Variants in LRPPRC observed in about 807,000 individuals in gnomAD.
LRPPRC encodes leucine rich pentatricopeptide repeat containing.
A neutral mutation model predicts 180.3 loss-of-function variants in LRPPRC; 120 were observed. The ratio of observed to expected loss-of-function variants is 0.67; its 90% confidence interval spans 0.57 to 0.77. The LOEUF (loss-of-function observed/expected upper bound fraction) is 0.77. Among genes scored for constraint, LRPPRC ranks in the 30% least tolerant of loss-of-function variants. LRPPRC has a pLI of 0.00. For synonymous variants in LRPPRC, 723 were observed against 600.0 expected, an observed-to-expected ratio of 1.21 and a Z score of -3.00; for missense variants, 2,012 against 1,657.2, an observed-to-expected ratio of 1.21 and a Z score of -3.72.
At chr2:43,933,596 T>C (rs1672166362) in intron 25 of LRPPRC, among the ~76,000 whole-genome samples, 1 of 152,150 alleles carries the variant, frequency 6.6e-6, no homozygotes, top group Admixed American at 6.5e-5. Context: ...GCCCTTGACT[T>C]ATCAATTCCA....
intron 34 of LRPPRC, among the ~76,000 whole-genome samples, chr2:43,898,130 T>G (rs1351680931): frequency 6.8e-6 from 1 of 147,462 alleles, no homozygotes; most frequent in Non-Finnish European, 1.5e-5. Flanking sequence ...ACAAGAAAAT[T>G]CCCAGTGAAC....
chr2:43,941,057 T>G (rs1370126429), intron 23 of LRPPRC, among the ~76,000 whole-genome samples: 1 of 152,220 alleles, frequency 6.6e-6, no homozygotes, highest in Admixed American at 6.5e-5. Context: ...AAAAGCAGGT[T>G]AGCTTACCAA....
Position 43,905,736 on chromosome 2 carries a change from T to C in LRPPRC, c.3320A>G (p.Asn1107Ser), listed in dbSNP as rs749756838. ...AACTTGCGTTATGATGAGGCGGCTG[T>C]TGGCAGCATCGTTCAGTGTGAAGCC... ...IKGFTLNDAANSRLIITQVRR... is the reference protein window; with the variant it reads ...IKGFTLNDAASSRLIITQVRR... The change falls in exon 31 of 38, where the codon AAC becomes AGC. Residue 1107 changes from asparagine (N) to serine (S), a missense_variant. Coordinates refer to ENST00000260665, the MANE Select transcript of LRPPRC (RefSeq NM_133259.4). 5.0e-6 allele frequency: 8 copies of C among 1,613,996 alleles called. 1 individual carries two copies. In the South Asian group the frequency reaches 6.6e-5, roughly 13 times the overall value.
intron 1 of LRPPRC, among the ~76,000 whole-genome samples, chr2:43,990,966 C>T (rs1160993883): frequency 6.6e-6 from 1 of 152,014 alleles, no homozygotes; most frequent in Non-Finnish European, 1.5e-5. Flanking sequence ...CTGCCTCAGC[C>T]TCCCAAGTAG....
chr2:43,994,180 G>T (rs1392629318), intron 1 of LRPPRC, among the ~76,000 whole-genome samples: 1 of 152,200 alleles, frequency 6.6e-6, no homozygotes, highest in African/African-American at 2.4e-5. Flanking sequence ...GCCAAGAGAT[G>T]TATATAGTTC....
chr2:43,961,153 T>C (rs1429378222), intron 12 of LRPPRC, among the ~76,000 whole-genome samples: 1 of 152,166 alleles, frequency 6.6e-6, no homozygotes, highest in Non-Finnish European at 1.5e-5. Context: ...AATTATGGCA[T>C]ACCCATACAA....
At chr2:43,901,790 T>A (rs1045743362) in intron 31 of LRPPRC, 8 of 418,734 alleles carry the variant, frequency 1.9e-5, no homozygotes, top group African/African-American at 1.0e-4. Context: ...ATGAGTTCCA[T>A]TTAGGGATAA....
intron 8 of LRPPRC, 108 bp downstream of exon 8, chr2:43,974,506 A>T (rs1269551458): frequency 1.0e-5 from 9 of 876,936 alleles, no homozygotes; most frequent in Non-Finnish European, 1.7e-5. Context: ...TAAGAGTTCT[A>T]TGTTCAACTC....
intron 14 of LRPPRC, among the ~76,000 whole-genome samples, chr2:43,956,038 T>C (rs1673100088): frequency 6.6e-6 from 1 of 151,452 alleles, no homozygotes; most frequent in African/African-American, 2.4e-5. Flanking sequence ...TGAAGTACTA[T>C]TGCTAAAAAT....
chr2:43,982,662 GACA>G (rs1222328843), intron 1 of LRPPRC, among the ~76,000 whole-genome samples: 4 of 152,120 alleles, frequency 2.6e-5, no homozygotes, highest in Admixed American at 1.3e-4. Context: ...CTGAATAATT[GACA>G]ACATCTTGGT....
chr2:43,888,604 G>C lies in LRPPRC; in HGVS notation c.4181C>G (p.Ser1394Cys). The C allele has an allele frequency of 6.3e-7, 1 of 1,584,148 alleles. No individual in the cohort carries two copies. The highest frequency in any genetic ancestry group is 8.7e-7 in the Non-Finnish European group (1 of 1,152,994). The change falls in exon 38 of 38, where the codon TCT (serine) becomes TGT (cysteine). Residue 1394 changes from serine (S) to cysteine (C), a missense_variant. Coordinates refer to ENST00000260665, the MANE Select transcript of LRPPRC (RefSeq NM_133259.4). ...ACAAAGTATCGCCTGGTTATTTCAA[G>C]AAGAGTTTTCCCTCAATTTTCTTAG... ...QQLRKLRENS[S>C]
rs540179259 is a variant in LRPPRC at position 43,912,276 on chromosome 2, C to T, written c.3275+156G>A. Among the ~76,000 whole-genome samples the T allele has an allele frequency of 3.9e-5, 6 of 152,092 alleles. No homozygotes were observed. The South Asian group carries it at 8.3e-4, about 21-fold the overall frequency. Reference sequence around the variant, plus strand: ...TGTTTTTTTTTGAAGGTGAAAAAACCTGATAAAGTTAGTTAACCATTTCAT... The same window carrying T: ...TGTTTTTTTTTGAAGGTGAAAAAACTTGATAAAGTTAGTTAACCATTTCAT... On this transcript the variant is annotated intron_variant, in intron 30 of 37. Transcript: ENST00000260665.
intron 32 of LRPPRC, 100 bp from the exon 33 acceptor site, chr2:43,899,705 CT>C: frequency 2.7e-6 from 2 of 747,888 alleles, no homozygotes; most frequent in African/African-American, 1.8e-5. Flanking sequence ...CATGCTAATA[CT>C]TTAGGAAAAA....
intron 30 of LRPPRC, among the ~76,000 whole-genome samples, chr2:43,908,306 G>T (rs919324297): frequency 6.6e-6 from 1 of 152,080 alleles, no homozygotes; most frequent in African/African-American, 2.4e-5. Context: ...ATTCACTACA[G>T]ATAAATTATT....
At chr2:43,990,842 CTTT>C (rs11443325) in intron 1 of LRPPRC, among the ~76,000 whole-genome samples, 2 of 134,650 alleles carry the variant, frequency 1.5e-5, no homozygotes, top group Non-Finnish European at 3.1e-5. Flanking sequence ...CCATCAGGTT[CTTT>C]TTTTTTTTTT....
In LRPPRC at chr2:43,894,928, T is replaced by C. The variant is rs191631142; in HGVS notation, c.3901-299A>G. Among the ~76,000 whole-genome samples, 18 of 152,258 alleles carry C rather than the reference T, an allele frequency of 1.2e-4. No homozygotes were observed. The East Asian group carries it at 2.1e-3, about 18-fold the overall frequency. On this transcript the variant is annotated intron_variant, in intron 35 of 37. Coordinates refer to ENST00000260665, the MANE Select transcript of LRPPRC (RefSeq NM_133259.4). ...GTCAAGTGGTGACCATACCAAGAAG[T>C]TATGAGATCCCAAGGGTAGAGAGAT...
intron 13 of LRPPRC, among the ~76,000 whole-genome samples, 187 bp downstream of exon 13, chr2:43,960,354 A>C (rs1371871152): frequency 6.6e-6 from 1 of 152,190 alleles, no homozygotes; most frequent in Non-Finnish European, 1.5e-5. Context: ...TATAATATTC[A>C]ATGTCCTTAT....
chr2:43,889,126 C>T (rs562376271), intron 37 of LRPPRC, among the ~76,000 whole-genome samples: 12 of 152,012 alleles, frequency 7.9e-5, no homozygotes, highest in East Asian at 3.9e-4. Flanking sequence ...ACCAGCGTGG[C>T]CAACATGGTG....
chr2:43,920,079 TAAAAAAAAA>T (rs1023425078), intron 27 of LRPPRC, among the ~76,000 whole-genome samples: 1 of 79,478 alleles, frequency 1.3e-5, no homozygotes, highest in Non-Finnish European at 2.3e-5. Flanking sequence ...ATCAGCAATT[TAAAAAAAAA>T]AAAAAAAAAA....
Sources: allele counts gnomAD v4.1 joint callset (sites outside exome capture counted in the v4.1 genomes callset), GRCh38; gene constraint gnomAD v4.1.1; transcripts MANE v1.5; gene names NCBI Gene and HGNC (gene_info 2026-07-23, HGNC 2026-07-21).